SAMMSON: variants seen among roughly 807,000 people sequenced by gnomAD.
SAMMSON encodes survival associated mitochondrial melanoma specific oncogenic non-coding RNA.
intron 4 of SAMMSON, among the ~76,000 whole-genome samples, chr3:70,209,448 T>C (rs963228567): frequency 2.0e-5 from 3 of 152,074 alleles, no homozygotes; most frequent in Admixed American, 2.0e-4. Context: ...ATATACCTTA[T>C]TGAACTTAAG....
intron 3 of SAMMSON, among the ~76,000 whole-genome samples, chr3:70,042,707 A>G (rs1292068408): frequency 2.0e-5 from 3 of 152,140 alleles, no homozygotes; most frequent in South Asian, 2.1e-4. Flanking sequence ...CCACCTTGAC[A>G]AAGTCAAGGA....
intron 7 of SAMMSON, among the ~76,000 whole-genome samples, chr3:70,342,234 T>C (rs2106729398): frequency 6.6e-6 from 1 of 152,348 alleles, no homozygotes; most frequent in South Asian, 2.1e-4. Context: ...ACTGTTTTTT[T>C]CTTTGCAAAA....
At chr3:70,170,579 C>CTTTTTTTTTTTTTTTTTTTTTT (rs538385626) in intron 4 of SAMMSON, among the ~76,000 whole-genome samples, 39 of 105,488 alleles carry the variant, frequency 3.7e-4, no homozygotes, top group Non-Finnish European at 4.1e-4. Flanking sequence ...CTAGATTTTC[C>CTTTTTTTTTTTTTTTTTTTTTT]TTTTTTTTTT....
chr3:70,126,920 G>T, intron 4 of SAMMSON: 1 of 154,370 alleles, frequency 6.5e-6, no homozygotes, highest in South Asian at 2.0e-4. Context: ...TCACCATGTT[G>T]GCCAGGCTGG....
rs1027547403 is a variant in SAMMSON, at chr3:70,056,833, A to G, written n.418-14643A>G. 4.6e-5 allele frequency among the ~76,000 whole-genome samples: 7 copies of G among 151,996 alleles called. No homozygotes were observed. In the East Asian group the frequency reaches 1.4e-3, roughly 29 times the overall value. On this transcript the variant is annotated intron_variant and non_coding_transcript_variant, in intron 3 of 9. Transcript: ENST00000642114. ...TGTTCAGTCCTTATCAGTTGCATAT[A>G]TTTTTCCTATGACAGGAGGCCATAT...
chr3:70,118,135 G>T (rs1387105614), intron 4 of SAMMSON, among the ~76,000 whole-genome samples: 1 of 151,992 alleles, frequency 6.6e-6, no homozygotes, highest in Admixed American at 6.6e-5. Context: ...TGTTAGCCAG[G>T]ATGGTCTCGA....
chr3:70,397,775 C>T (rs551875885), intron 2 of SAMMSON, among the ~76,000 whole-genome samples: 2 of 152,140 alleles, frequency 1.3e-5, no homozygotes, highest in East Asian at 3.9e-4. Flanking sequence ...AATTTACACT[C>T]TCAACATCAG....
intron 7 of SAMMSON, among the ~76,000 whole-genome samples, chr3:70,347,603 A>G (rs1702761168): frequency 6.6e-6 from 1 of 152,190 alleles, no homozygotes; most frequent in Non-Finnish European, 1.5e-5. Flanking sequence ...ACAAATATTT[A>G]TGAATGCTCG....
At chr3:70,099,446 C>G (rs937788692) in intron 4 of SAMMSON, among the ~76,000 whole-genome samples, 5 of 152,060 alleles carry the variant, frequency 3.3e-5, no homozygotes, top group African/African-American at 4.8e-5. Context: ...TCCATTTTTC[C>G]CATTCCTACC....
intron 6 of SAMMSON, among the ~76,000 whole-genome samples, chr3:70,262,885 A>G (rs1000627470): frequency 3.3e-5 from 5 of 152,016 alleles, no homozygotes; most frequent in Admixed American, 1.3e-4. Context: ...ATTTCTCCCA[A>G]TATTTTTGTC....
chr3:70,365,560 A>T (rs1339496612), intron 9 of SAMMSON, among the ~76,000 whole-genome samples: 3 of 151,306 alleles, frequency 2.0e-5, no homozygotes, highest in Non-Finnish European at 4.4e-5. Flanking sequence ...AAACCTGACT[A>T]CTCCTATTTG....
chr3:70,337,060 AATAATAATATCTAACTTAATATTCTTAT>A (rs1702668315), intron 7 of SAMMSON, among the ~76,000 whole-genome samples: 3 of 81,674 alleles, frequency 3.7e-5, no homozygotes, highest in Non-Finnish European at 6.6e-5. Flanking sequence ...TATTATTATT[AATAATAATATCTAACTTAATATTCTTAT>A]TAATAATAAT....
intron 4 of SAMMSON, among the ~76,000 whole-genome samples, chr3:70,164,580 A>G (rs2106694992): frequency 6.6e-6 from 1 of 152,122 alleles, no homozygotes; most frequent in South Asian, 2.1e-4. Flanking sequence ...CTGTGCAACA[A>G]ATAAGGCTTC....
intron 1 of SAMMSON, among the ~76,000 whole-genome samples, chr3:70,006,737 C>T (rs558374246): frequency 2.0e-5 from 3 of 151,606 alleles, no homozygotes; most frequent in Admixed American, 6.6e-5. Context: ...ATACATGTGC[C>T]ATGTTGGTGT....
At chr3:70,195,932 T>G (rs1382346724) in intron 4 of SAMMSON, among the ~76,000 whole-genome samples, 3 of 152,182 alleles carry the variant, frequency 2.0e-5, no homozygotes, top group Admixed American at 6.5e-5. Flanking sequence ...GTACTTGACA[T>G]AATTATTGAT....
At chr3:70,383,503 G>T (rs989021924) in intron 9 of SAMMSON, among the ~76,000 whole-genome samples, 2 of 151,918 alleles carry the variant, frequency 1.3e-5, no homozygotes. Context: ...AGGTTTCCAC[G>T]CCCACTTTCC....
intron 7 of SAMMSON, among the ~76,000 whole-genome samples, chr3:70,327,752 G>A (rs1702589705): frequency 6.6e-6 from 1 of 152,142 alleles, no homozygotes; most frequent in South Asian, 2.1e-4. Flanking sequence ...AGTAGTGAGG[G>A]AAAATTCACC....
intron 4 of SAMMSON, among the ~76,000 whole-genome samples, chr3:70,089,181 T>C (rs1576118855): frequency 6.6e-6 from 1 of 152,188 alleles, no homozygotes; most frequent in Non-Finnish European, 1.5e-5. Flanking sequence ...ATAGGTTTAT[T>C]TGAGGATCTC....
At chr3:70,057,686 T>C (rs1335849723) in intron 3 of SAMMSON, among the ~76,000 whole-genome samples, 1 of 151,046 alleles carries the variant, frequency 6.6e-6, no homozygotes, top group South Asian at 2.1e-4. Flanking sequence ...GTGTGTAAAA[T>C]TCCACTCTAC....
Sources: gnomAD v4.1 joint callset for allele counts (sites outside exome capture counted in the v4.1 genomes callset) on GRCh38, gnomAD v4.1.1 for gene constraint, MANE v1.5 for transcripts, NCBI Gene and HGNC (gene_info 2026-07-23, HGNC 2026-07-21) for gene names.